The following TMC2 variants were observed in gnomAD, a reference collection of about 807,000 sequenced individuals.
TMC2 encodes the protein transmembrane channel like 2.
A neutral mutation model predicts 105.9 loss-of-function variants in TMC2; 102 were observed. The ratio of observed to expected loss-of-function variants is 0.96; its 90% confidence interval spans 0.82 to 1.14. The LOEUF is 1.14. Among genes scored for constraint, TMC2 ranks in the 50% most tolerant of loss-of-function variants. TMC2 has a pLI of 0.00. For missense variants in TMC2, 1,093 were observed against 1,134.3 expected (o/e 0.96, Z 0.52); for synonymous variants, 402 against 422.8 (o/e 0.95, Z 0.60).
chr20:2,589,796 A>G (rs1263148279), intron 7 of TMC2, among the ~76,000 whole-genome samples: 4 of 152,090 alleles, frequency 2.6e-5, no homozygotes, highest in African/African-American at 9.7e-5. Flanking sequence ...CAGCCTCCCA[A>G]GTAGCTGGGA....
intron 5 of TMC2, among the ~76,000 whole-genome samples, chr20:2,573,561 C>CTTTTTTT (rs370771531): frequency 2.5e-4 from 29 of 116,992 alleles, no homozygotes; most frequent in African/African-American, 5.3e-4. Flanking sequence ...CTTTTCTTTT[C>CTTTTTTT]TTTTTTTTTT....
At chr20:2,571,083 G>A (rs1456485560) in intron 4 of TMC2, among the ~76,000 whole-genome samples, 1 of 152,096 alleles carries the variant, frequency 6.6e-6, no homozygotes, top group African/African-American at 2.4e-5. Flanking sequence ...TCTGGATATT[G>A]GCCTTGGGAA....
Position 2,536,629 on chromosome 20 carries a change from A to T in TMC2, c.8A>T (p.His3Leu), listed in dbSNP as rs772860756. 9.5e-6 allele frequency: 15 copies of T among 1,574,420 alleles called. No homozygotes were observed. In the African/African-American group the frequency reaches 1.7e-4, roughly 18 times the overall value. MSHQVKGLKEEAR... is the reference protein window; with the variant it reads MSLQVKGLKEEAR... The stretch of plus-strand genomic sequence containing the variant: ...CCAGCAGTGCTGCTGACCATGAGCC[A>T]CCAGGTAAAGGGCCTGAAAGAGGAA... Residue 3 changes from histidine to leucine, a missense_variant, in exon 1 of 20, where the codon CAC (histidine) becomes CTC (leucine). By Grantham distance (99) the His-to-Leu change is moderately conservative. Coordinates refer to ENST00000358864, the MANE Select transcript of TMC2 (RefSeq NM_080751.3).
At chr20:2,562,108 T>G in intron 4 of TMC2, 98 bp downstream of exon 4, 7 of 1,412,998 alleles carry the variant, frequency 5.0e-6, no homozygotes, top group Non-Finnish European at 6.6e-6. Flanking sequence ...AGGGGCTTGA[T>G]GTGAGGGGGC....
At chr20:2,551,957 C>T (rs1040440360) in intron 2 of TMC2, among the ~76,000 whole-genome samples, 1 of 152,126 alleles carries the variant, frequency 6.6e-6, no homozygotes, top group Admixed American at 6.5e-5. Flanking sequence ...TTTGCCTTTC[C>T]ATATAAACTT....
chr20:2,612,619 G>T (rs1161187892), intron 13 of TMC2, among the ~76,000 whole-genome samples: 1 of 152,164 alleles, frequency 6.6e-6, no homozygotes, highest in African/African-American at 2.4e-5. Flanking sequence ...TACAAATGCA[G>T]AGAAAGCTTT....
At chr20:2,615,750 T>C (rs756916326) in intron 14 of TMC2, among the ~76,000 whole-genome samples, 1 of 152,216 alleles carries the variant, frequency 6.6e-6, no homozygotes, top group Non-Finnish European at 1.5e-5. Context: ...TGCATTTCAT[T>C]ATTTATTAGA....
At chr20:2,562,516 A>G (rs914749765) in intron 4 of TMC2, among the ~76,000 whole-genome samples, 7 of 152,208 alleles carry the variant, frequency 4.6e-5, no homozygotes, top group African/African-American at 1.7e-4. Context: ...GCTGGCCCCC[A>G]TGCAACATGA....
At chr20:2,547,942 T>A (rs2085934506) in intron 2 of TMC2, among the ~76,000 whole-genome samples, 1 of 152,244 alleles carries the variant, frequency 6.6e-6, no homozygotes, top group African/African-American at 2.4e-5. Flanking sequence ...CAACTAGGCA[T>A]TTTACTTTAG....
At chr20:2,549,916 C>T (rs1485941386) in intron 2 of TMC2, among the ~76,000 whole-genome samples, 2 of 152,048 alleles carry the variant, frequency 1.3e-5, no homozygotes, top group African/African-American at 4.8e-5. Flanking sequence ...TGTGCAGTGG[C>T]TCACGCCTGT....
intron 1 of TMC2, 43 bp downstream of exon 1, chr20:2,536,698 C>T: frequency 6.4e-7 from 1 of 1,556,704 alleles, no homozygotes; most frequent in Non-Finnish European, 8.7e-7. Flanking sequence ...CCACAGGGTT[C>T]CTGGGCAGCA....
At position 2,597,157 on chromosome 20, in the gene TMC2, C is replaced by A; in HGVS notation, c.1083C>A (p.Ala361=). The A allele has an allele frequency of 1.2e-6, 2 of 1,613,716 alleles. No individual in the cohort carries two copies. The highest frequency in any genetic ancestry group is 1.7e-6 in the Non-Finnish European group (2 of 1,179,900). ...AGTGCTGTGTGCCCTACAGGATGGCCAGCAATACCCAAGGAAGCACAGGCG... is the reference window on the plus strand; with the variant it reads ...AGTGCTGTGTGCCCTACAGGATGGCAAGCAATACCCAAGGAAGCACAGGCG... ...YSLIIVIRSM[A]SNTQGSTGEG... Residue 361 remains alanine, a synonymous_variant, in exon 10 of 20, where the codon GCC becomes GCA. Coordinates refer to ENST00000358864, the MANE Select transcript of TMC2 (RefSeq NM_080751.3).
chr20:2,601,338 A>G (rs759573410), intron 10 of TMC2, among the ~76,000 whole-genome samples: 1 of 152,258 alleles, frequency 6.6e-6, no homozygotes, highest in Non-Finnish European at 1.5e-5. Flanking sequence ...AGACCATATG[A>G]CCAGCAAACC....
At chr20:2,549,514 G>A (rs1365805096) in intron 2 of TMC2, among the ~76,000 whole-genome samples, 4 of 152,110 alleles carry the variant, frequency 2.6e-5, no homozygotes, top group Admixed American at 1.3e-4. Context: ...AGGCCAAGGC[G>A]GGCGGATCAC....
At position 2,577,688 on chromosome 20, in the gene TMC2, G is replaced by A. The variant is rs539784450; in HGVS notation, c.646-1458G>A. On this transcript the variant is annotated intron_variant, in intron 5 of 19. Transcript: ENST00000358864. ...ACACTTTGGGAGGCTGAAAGCAGGC[G>A]GATCACTTGAGCCCAGGAGTTTGAG... 9.9e-5 allele frequency among the ~76,000 whole-genome samples: 15 copies of A among 152,212 alleles called. No individual in the cohort carries two copies. In the South Asian group the frequency reaches 2.5e-3, roughly 25 times the overall value.
chr20:2,597,436 A>G (rs1189939196), intron 10 of TMC2, 138 bp downstream of exon 10: 19 of 838,734 alleles, frequency 2.3e-5, no homozygotes, highest in Admixed American at 1.1e-4. Context: ...ATGTGAGCCC[A>G]GTTTTCAAAC....
chr20:2,582,296 G>A (rs978422299), intron 7 of TMC2, among the ~76,000 whole-genome samples: 5 of 152,094 alleles, frequency 3.3e-5, no homozygotes, highest in African/African-American at 1.2e-4. Context: ...CACATCTAAA[G>A]GAAGTGTCCT....
chr20:2,632,717 G>C (rs2086612563), intron 17 of TMC2, among the ~76,000 whole-genome samples: 1 of 152,012 alleles, frequency 6.6e-6, no homozygotes, highest in Non-Finnish European at 1.5e-5. Context: ...AGCCTCCCGA[G>C]TAGCTGGGAT....
In TMC2 at chr20:2,558,219, G is replaced by C; in HGVS notation, c.83-237G>C. On this transcript the variant is annotated intron_variant, in intron 2 of 19. Transcript: ENST00000358864. The surrounding 1 kb of genome is among the most constrained non-coding windows in gnomAD (Gnocchi z 4.6). ...CACCTGTCACAGGAGGTCTTCAAGG[G>C]AGACGGGAGGGAGAAGGCCAGAGAG... 1 of 968,572 alleles carries C rather than the reference G, an allele frequency of 1.0e-6. No homozygotes were observed. Among genetic ancestry groups the C allele is most frequent in the South Asian group, 1.8e-5 (1 of 56,360 alleles). 60.0% of individuals were successfully genotyped at this position (968,572 alleles called of 1,614,324 possible). A position where few individuals can be genotyped will look rare whatever the true frequency, so the allele number is the denominator to read the frequency against.
Sources: allele counts gnomAD v4.1 joint callset (sites outside exome capture counted in the v4.1 genomes callset), GRCh38; gene constraint gnomAD v4.1.1; non-coding constraint Gnocchi (gnomAD v3.1); transcripts MANE v1.5; gene names NCBI Gene and HGNC (gene_info 2026-07-23, HGNC 2026-07-21).